Variants in COL25A1 observed in about 807,000 individuals in gnomAD.
COL25A1 encodes collagen type XXV alpha 1 chain.
Under a neutral mutation model 128.4 loss-of-function variants are expected in COL25A1, and 103 were observed. The observed-to-expected ratio is 0.80, with a 90% CI of 0.68 to 0.94. The LOEUF (loss-of-function observed/expected upper bound fraction) is 0.94. COL25A1 is among the 40% of genes least tolerant of loss of function. The pLI is 0.00. For synonymous variants in COL25A1, 279 were observed against 277.2 expected (o/e 1.01, Z -0.06); for missense variants, 745 against 840.0 (o/e 0.89, Z 1.40).
chr4:108,920,027 G>A (rs1026886169), intron 12 of COL25A1, among the ~76,000 whole-genome samples: 2 of 152,268 alleles, frequency 1.3e-5, no homozygotes, highest in East Asian at 1.9e-4. Context: ...CTCTCAAAGT[G>A]CTGGGATTAC....
chr4:109,198,126 C>T (rs550611593), intron 3 of COL25A1, among the ~76,000 whole-genome samples: 3 of 152,044 alleles, frequency 2.0e-5, no homozygotes, highest in African/African-American at 7.2e-5. Context: ...TTACCCCGGT[C>T]GTCTCAAAGA....
chr4:109,083,668 T>C (rs900099902), intron 3 of COL25A1, among the ~76,000 whole-genome samples: 3 of 151,876 alleles, frequency 2.0e-5, no homozygotes, highest in African/African-American at 7.3e-5. Context: ...TTCACTATGT[T>C]AGCCAGGCTG....
intron 35 of COL25A1, 117 bp downstream of exon 35, chr4:108,824,057 T>G: frequency 6.2e-7 from 1 of 1,612,742 alleles, no homozygotes; most frequent in South Asian, 1.1e-5. Context: ...CATCAGTATG[T>G]TTTTGGAGCA....
Position 109,145,012 on chromosome 4 carries a change from C to T in COL25A1, c.368-94833G>A, listed in dbSNP as rs137937230. On this transcript the variant is annotated intron_variant, in intron 3 of 37. Transcript: ENST00000399132. ...AAAGATGTCTAACTCCTATAAAATC[C>T]AGTGACTCTATGTATGAAATGAAAG... 3.3e-5 allele frequency among the ~76,000 whole-genome samples: 5 copies of T among 151,530 alleles called. No individual in the cohort carries two copies. The East Asian group carries it at 9.7e-4, about 29-fold the overall frequency.
chr4:108,900,587 T>TA (rs923868983), intron 14 of COL25A1, among the ~76,000 whole-genome samples: 11 of 152,266 alleles, frequency 7.2e-5, no homozygotes, highest in Admixed American at 7.2e-4. Flanking sequence ...AGACTTGGAA[T>TA]AAAAAAATCT....
chr4:109,254,088 AG>A (rs1227184945), intron 3 of COL25A1, among the ~76,000 whole-genome samples: 5 of 150,156 alleles, frequency 3.3e-5, no homozygotes, highest in South Asian at 2.2e-4. Flanking sequence ...CTCCGTCTCA[AG>A]AAAAAAAAAA....
At chr4:109,083,176 G>A (rs1015289427) in intron 3 of COL25A1, among the ~76,000 whole-genome samples, 6 of 152,066 alleles carry the variant, frequency 3.9e-5, no homozygotes, top group Non-Finnish European at 7.4e-5. Context: ...ATTTGCCTAA[G>A]TCTGGTTTAA....
intron 3 of COL25A1, among the ~76,000 whole-genome samples, chr4:109,105,440 C>T (rs1766336559): frequency 6.6e-6 from 1 of 152,214 alleles, no homozygotes; most frequent in South Asian, 2.1e-4. Flanking sequence ...TGCCACTGCA[C>T]TCCAGCTTGG....
intron 6 of COL25A1, among the ~76,000 whole-genome samples, chr4:108,998,910 A>G (rs1165805992): frequency 6.6e-6 from 1 of 152,246 alleles, no homozygotes; most frequent in African/African-American, 2.4e-5. Flanking sequence ...CTGGCTAGCC[A>G]TATGTTGAAA....
At chr4:109,208,854 G>A (rs76725573) in intron 3 of COL25A1, among the ~76,000 whole-genome samples, 3,399 of 152,124 alleles carry the variant, frequency 0.022, 106 homozygotes, top group South Asian at 0.14. Context: ...TCTCCACTGC[G>A]TTTTCTCTAT....
At position 108,862,527 on chromosome 4, in the gene COL25A1, C is replaced by T; in HGVS notation, c.1171G>A (p.Gly391Arg). Residue 391 changes from glycine to arginine, a missense_variant, in exon 22 of 38, where the codon GGA becomes AGA. Physicochemically the swap from Gly to Arg is moderately radical, Grantham distance 125 (BLOSUM62 -2). Around this residue, in one of 3 missense-constraint regions of COL25A1, gnomAD observed 387 missense variants for 441.9 expected, o/e 0.88. Transcript: ENST00000399132. The stretch of plus-strand genomic sequence containing the variant: ...TTTGACCCCTTTGGGCCTCTAGTTC[C>T]TGATTCACCTTGTTTCCCCTATTAC... ...PGPKGKQGES[G>R]TRGPKGSKGD... 1 of 1,612,080 alleles carries T rather than the reference C, an allele frequency of 6.2e-7. No homozygotes were observed. Among genetic ancestry groups the T allele is most frequent in the South Asian group, 1.1e-5 (1 of 90,996 alleles).
chr4:108,949,276 AAAT>A (rs1312997992), intron 8 of COL25A1, among the ~76,000 whole-genome samples: 3 of 152,218 alleles, frequency 2.0e-5, no homozygotes, highest in Non-Finnish European at 2.9e-5. Flanking sequence ...TTAAAATAAT[AAAT>A]AATGACAATG....
At chr4:108,967,400 T>C (rs115964726) in intron 8 of COL25A1, among the ~76,000 whole-genome samples, 1 of 152,202 alleles carries the variant, frequency 6.6e-6, no homozygotes, top group East Asian at 1.9e-4. Flanking sequence ...GAAAGCCAGG[T>C]TTAAATCCCA....
chr4:109,208,520 A>G (rs768057840), intron 3 of COL25A1, among the ~76,000 whole-genome samples: 1 of 151,988 alleles, frequency 6.6e-6, no homozygotes, highest in Non-Finnish European at 1.5e-5. Context: ...TCTCATTCAG[A>G]TAGTTTAAAA....
At chr4:109,274,988 TA>T (rs2126268641) in intron 3 of COL25A1, among the ~76,000 whole-genome samples, 1 of 152,316 alleles carries the variant, frequency 6.6e-6, no homozygotes, top group African/African-American at 2.4e-5. Context: ...TCATTGTATT[TA>T]AAATACAAAA....
chr4:109,191,630 G>A (rs567278101), intron 3 of COL25A1, among the ~76,000 whole-genome samples: 39 of 152,296 alleles, frequency 2.6e-4, no homozygotes, highest in African/African-American at 7.9e-4. Flanking sequence ...TTATTGCCCC[G>A]AAAATAGTGA....
chr4:109,117,622 A>G (rs974232578), intron 3 of COL25A1, among the ~76,000 whole-genome samples: 3 of 151,970 alleles, frequency 2.0e-5, no homozygotes, highest in African/African-American at 7.2e-5. Context: ...CCTTATTCTT[A>G]GTTGGTCTAA....
intron 24 of COL25A1, among the ~76,000 whole-genome samples, chr4:108,853,516 T>C (rs1321063795): frequency 3.3e-5 from 5 of 152,026 alleles, no homozygotes; most frequent in Non-Finnish European, 7.4e-5. Flanking sequence ...TTAAAATTTA[T>C]TGATTGATTG....
chr4:109,037,493 C>T (rs1345322155), intron 5 of COL25A1, among the ~76,000 whole-genome samples: 1 of 152,232 alleles, frequency 6.6e-6, no homozygotes, highest in East Asian at 1.9e-4. Context: ...CCTTGGCCAG[C>T]CCCTCTGCTG....
Sources: allele counts gnomAD v4.1 joint callset (sites outside exome capture counted in the v4.1 genomes callset), GRCh38; gene constraint gnomAD v4.1.1; regional missense constraint gnomAD v4.1.1; transcripts MANE v1.5; gene names NCBI Gene and HGNC (gene_info 2026-07-23, HGNC 2026-07-21).